PAX3: variants seen among roughly 807,000 people sequenced by gnomAD.
PAX3 encodes paired box 3, also known as paired box protein Pax-3.
A neutral mutation model predicts 51.6 loss-of-function variants in PAX3; 14 were observed. The ratio of observed to expected loss-of-function variants is 0.27; its 90% CI spans 0.18 to 0.42. The LOEUF (loss-of-function observed/expected upper bound fraction) is 0.42, where lower values mean the gene tolerates loss of function less well. Ranked by LOEUF, PAX3 falls within the 10% of genes least tolerant of loss-of-function variation. The pLI, the probability that PAX3 is intolerant of heterozygous loss-of-function variation, is 1.00. For missense variants in PAX3, 540 were observed against 642.8 expected (o/e 0.84, Z 1.73); for synonymous variants, 280 against 253.4 (o/e 1.11, Z -1.00).
In PAX3 at chr2:222,201,357, G is replaced by A. The variant is rs1454504867; in HGVS notation, c.*51C>T. The A allele has an allele frequency of 1.9e-6, 3 of 1,612,934 alleles. No homozygotes were observed. The highest frequency in any genetic ancestry group is 1.7e-6 in the Non-Finnish European group (2 of 1,179,920). The stretch of plus-strand genomic sequence containing the variant: ...TTCAGAGCAGATTCTTCATATCTAG[G>A]CTGCGAAGACCAGAAACAGGGCCAG... On this transcript the variant is annotated 3_prime_UTR_variant, in exon 9 of 9. Transcript: ENST00000392070.
chr2:222,235,728 AC>A (rs1272947552), intron 4 of PAX3, among the ~76,000 whole-genome samples: 1 of 152,126 alleles, frequency 6.6e-6, no homozygotes, highest in Non-Finnish European at 1.5e-5. Flanking sequence ...CTTGATCCTG[AC>A]TTTGAGTATA....
At chr2:222,239,822 CAA>C (rs76222306) in intron 4 of PAX3, among the ~76,000 whole-genome samples, 2,351 of 133,688 alleles carry the variant, frequency 0.018, 73 homozygotes, top group African/African-American at 0.058. Flanking sequence ...TTAGCAAGTG[CAA>C]AAAAAAAAAA....
chr2:222,231,942 C>G (rs1300873331), intron 5 of PAX3, 136 bp downstream of exon 5: 3 of 779,872 alleles, frequency 3.8e-6, no homozygotes, highest in Non-Finnish European at 6.8e-6. Flanking sequence ...AATCAAAGTC[C>G]TAACAATATG....
chr2:222,282,135 A>C (rs777208156), intron 4 of PAX3, among the ~76,000 whole-genome samples: 1 of 152,172 alleles, frequency 6.6e-6, no homozygotes, highest in Non-Finnish European at 1.5e-5. Flanking sequence ...TGAAAGGCCC[A>C]TTCCTAAGAA....
intron 7 of PAX3, among the ~76,000 whole-genome samples, chr2:222,205,005 A>C (rs1691449887): frequency 6.6e-6 from 1 of 152,180 alleles, no homozygotes; most frequent in Non-Finnish European, 1.5e-5. Context: ...CATAACTTTG[A>C]AGGCAGCAAT....
At chr2:222,211,927 G>A (rs1691751048) in intron 7 of PAX3, among the ~76,000 whole-genome samples, 1 of 152,144 alleles carries the variant, frequency 6.6e-6, no homozygotes, top group African/African-American at 2.4e-5. Context: ...TACAGAGCCT[G>A]CTTTGGGGAA....
chr2:222,295,773 C>T, intron 2 of PAX3, 116 bp from the exon 3 acceptor site: 1 of 1,238,302 alleles, frequency 8.1e-7, no homozygotes, highest in South Asian at 1.2e-5. Context: ...GGGACGGTCC[C>T]CCTTTGTGAG....
At chr2:222,229,775 A>G (rs2106090612) in intron 5 of PAX3, among the ~76,000 whole-genome samples, 1 of 152,204 alleles carries the variant, frequency 6.6e-6, no homozygotes, top group East Asian at 1.9e-4. Context: ...TCTTACGTGT[A>G]GCCCACCACT....
intron 4 of PAX3, among the ~76,000 whole-genome samples, chr2:222,262,255 T>C: frequency 6.6e-6 from 1 of 152,222 alleles, no homozygotes; most frequent in East Asian, 1.9e-4. Context: ...TCAGTTCTTA[T>C]GTTGGTGGAC....
rs1164251411 is a variant in PAX3, at chr2:222,298,521, C to T, written c.85+10G>A. The T allele has an allele frequency of 5.0e-6, 8 of 1,596,544 alleles. No individual in the cohort carries two copies. The highest frequency in any genetic ancestry group is 1.7e-6 in the Non-Finnish European group (2 of 1,172,004). ...TGGGATCCAGGCGGCGCGCTGAGGC[C>T]CTCCCTTACCTTCCAGCGGGAACCC... On this transcript the variant is annotated intron_variant, in intron 1 of 8. Coordinates refer to ENST00000392070, the MANE Select transcript of PAX3 (RefSeq NM_181458.4).
At chr2:222,206,943 T>C (rs1691534874) in intron 7 of PAX3, among the ~76,000 whole-genome samples, 1 of 152,150 alleles carries the variant, frequency 6.6e-6, no homozygotes, top group African/African-American at 2.4e-5. Flanking sequence ...TCTTTCTTGT[T>C]CTTAAGTAGT....
At position 222,241,481 on chromosome 2, in the gene PAX3, C is replaced by T. The variant is rs971906604; in HGVS notation, c.587-9198G>A. Among the ~76,000 whole-genome samples, 5 of 152,140 alleles carry T rather than the reference C, an allele frequency of 3.3e-5. No homozygotes were observed. In the South Asian group the frequency reaches 8.3e-4, roughly 25 times the overall value. ...AACTGACTGAATACATAAAACAGTG[C>T]GTTGAAAGCAAGCAGATGCAGACAC... On this transcript the variant is annotated intron_variant, in intron 4 of 8. Transcript: ENST00000392070.
At chr2:222,282,100 C>G (rs1299061362) in intron 4 of PAX3, among the ~76,000 whole-genome samples, 3 of 152,108 alleles carry the variant, frequency 2.0e-5, no homozygotes, top group Non-Finnish European at 4.4e-5. Flanking sequence ...ATAAATCCTT[C>G]GCCCCTAACT....
At chr2:222,230,642 G>C (rs892382669) in intron 5 of PAX3, among the ~76,000 whole-genome samples, 1 of 151,968 alleles carries the variant, frequency 6.6e-6, no homozygotes, top group Non-Finnish European at 1.5e-5. Flanking sequence ...AGATCACGAG[G>C]TCAGGAGTTC....
chr2:222,295,712 G>T, intron 2 of PAX3, 55 bp from the exon 3 acceptor site: 1 of 1,609,278 alleles, frequency 6.2e-7, no homozygotes, highest in Non-Finnish European at 8.5e-7. Context: ...GCCAGGTGGC[G>T]GCGGCCCCAC....
chr2:222,260,146 A>G (rs1283145108), intron 4 of PAX3, among the ~76,000 whole-genome samples: 5 of 152,190 alleles, frequency 3.3e-5, no homozygotes, highest in Admixed American at 6.5e-5. Context: ...AAGTGCTGGG[A>G]TTATAGGCAT....
intron 5 of PAX3, among the ~76,000 whole-genome samples, chr2:222,224,882 A>T (rs572910869): frequency 6.6e-6 from 1 of 152,322 alleles, no homozygotes; most frequent in South Asian, 2.1e-4. Context: ...GTAGCAACAG[A>T]GGCAAACTGG....
chr2:222,281,648 T>A (rs1694651082), intron 4 of PAX3, among the ~76,000 whole-genome samples: 1 of 152,252 alleles, frequency 6.6e-6, no homozygotes, highest in African/African-American at 2.4e-5. Context: ...ATTTTCCATG[T>A]TGATATTAAT....
Position 222,298,414 on chromosome 2 carries a change from G to A in PAX3, c.85+117C>T, listed in dbSNP as rs999498158. ...CGACTGGTGCTTCTTGGGGTGTGGG[G>A]TGCCCAGGGAATGGGCTTCCTGGAA... On this transcript the variant is annotated intron_variant, in intron 1 of 8. Transcript: ENST00000392070. 10 of 793,348 alleles carry A rather than the reference G, an allele frequency of 1.3e-5. No individual in the cohort carries two copies. In the South Asian group the frequency reaches 1.5e-4, roughly 12 times the overall value. 49.1% of individuals were successfully genotyped at this position (793,348 alleles called of 1,614,324 possible).
Sources: gnomAD v4.1 joint callset for allele counts (sites outside exome capture counted in the v4.1 genomes callset) on GRCh38, gnomAD v4.1.1 for gene constraint, MANE v1.5 for transcripts, NCBI Gene and HGNC (gene_info 2026-07-23, HGNC 2026-07-21) for gene names.